Variants in ST6GALNAC5 observed in about 807,000 individuals in gnomAD.
ST6GALNAC5 encodes the protein alpha-N-acetylgalactosaminide alpha-2,6-sialyltransferase 5.
A neutral mutation model predicts 33.6 loss-of-function variants in ST6GALNAC5; 27 were observed. The observed-to-expected ratio is 0.80, with a 90% confidence interval of 0.59 to 1.11. The LOEUF is 1.11. Ranked by LOEUF, ST6GALNAC5 falls within the 50% of genes least tolerant of loss-of-function variation. The probability of loss-of-function intolerance (pLI) is 0.00; values close to 1 mark genes in which losing one functional copy is unlikely to be tolerated. For synonymous variants in ST6GALNAC5, 194 were observed against 171.2 expected (o/e 1.13, Z -1.04); for missense variants, 428 against 454.0 (o/e 0.94, Z 0.52).
chr1:77,005,857 A>G (rs963218109), intron 2 of ST6GALNAC5, among the ~76,000 whole-genome samples: 2 of 152,210 alleles, frequency 1.3e-5, no homozygotes, highest in Non-Finnish European at 2.9e-5. Context: ...AGGTTCAGCA[A>G]TGTTGTAGTT....
At chr1:76,904,226 A>C (rs992805851) in intron 2 of ST6GALNAC5, among the ~76,000 whole-genome samples, 2 of 152,158 alleles carry the variant, frequency 1.3e-5, no homozygotes, top group African/African-American at 4.8e-5. Flanking sequence ...TCTACTACAC[A>C]TGTCTGCGAG....
chr1:76,995,672 A>G (rs535109536), intron 2 of ST6GALNAC5, among the ~76,000 whole-genome samples: 6 of 151,842 alleles, frequency 4.0e-5, no homozygotes, highest in Non-Finnish European at 8.8e-5. Context: ...TATTATTAAT[A>G]TGACATAATA....
intron 2 of ST6GALNAC5, among the ~76,000 whole-genome samples, chr1:77,020,802 A>G (rs1305473609): frequency 6.6e-6 from 1 of 152,140 alleles, no homozygotes; most frequent in Admixed American, 6.5e-5. Context: ...TTGCAGTTAG[A>G]TGGAGGCTGA....
intron 2 of ST6GALNAC5, among the ~76,000 whole-genome samples, chr1:76,934,990 T>G (rs1187245404): frequency 6.6e-6 from 1 of 152,108 alleles, no homozygotes; most frequent in African/African-American, 2.4e-5. Context: ...CAAATTTTAC[T>G]TGGCTTAATT....
intron 2 of ST6GALNAC5, among the ~76,000 whole-genome samples, chr1:76,899,786 A>G (rs1646798356): frequency 1.3e-5 from 2 of 152,274 alleles, no homozygotes; most frequent in African/African-American, 4.8e-5. Context: ...ACGTTGAGGG[A>G]TAGTGAGAGA....
At position 77,044,628 on chromosome 1, in the gene ST6GALNAC5, G is replaced by A. The variant is rs1250070079; in HGVS notation, c.671+15G>A. 2 of 1,526,956 alleles carry A rather than the reference G, an allele frequency of 1.3e-6. No homozygotes were observed. The highest frequency in any genetic ancestry group is 1.8e-6 in the Non-Finnish European group (2 of 1,135,114). 94.6% of individuals were successfully genotyped at this position (1,526,956 alleles called of 1,614,324 possible). On this transcript the variant is annotated intron_variant, in intron 3 of 4. Transcript: ENST00000477717. Reference sequence around the variant, plus strand: ...GGCAAAGACAGGTACAAAGGCACAGGGAAGAAGATGCAGGGGAGGGTGAGG... The same window carrying A: ...GGCAAAGACAGGTACAAAGGCACAGAGAAGAAGATGCAGGGGAGGGTGAGG...
chr1:76,978,212 C>G (rs1391613869), intron 2 of ST6GALNAC5, among the ~76,000 whole-genome samples: 1 of 152,174 alleles, frequency 6.6e-6, no homozygotes, highest in Non-Finnish European at 1.5e-5. Context: ...CTTACATATT[C>G]TGCATATTAA....
chr1:77,022,869 T>C (rs1280155254), intron 2 of ST6GALNAC5, among the ~76,000 whole-genome samples: 1 of 152,196 alleles, frequency 6.6e-6, no homozygotes, highest in Admixed American at 6.5e-5. Flanking sequence ...TATGGATATA[T>C]ATTTCTTGGC....
chr1:76,914,282 T>C (rs1646945268), intron 2 of ST6GALNAC5, among the ~76,000 whole-genome samples: 1 of 152,014 alleles, frequency 6.6e-6, no homozygotes, highest in Non-Finnish European at 1.5e-5. Context: ...AATTTACAGA[T>C]TCAATGCCAT....
At chr1:76,972,525 T>A (rs1648804068) in intron 2 of ST6GALNAC5, among the ~76,000 whole-genome samples, 1 of 152,204 alleles carries the variant, frequency 6.6e-6, no homozygotes. Context: ...ATCTTTATTT[T>A]TTCAATAATG....
At chr1:77,031,709 G>A (rs1245347807) in intron 2 of ST6GALNAC5, among the ~76,000 whole-genome samples, 1 of 152,182 alleles carries the variant, frequency 6.6e-6, no homozygotes, top group East Asian at 1.9e-4. Context: ...GAAAACCTGG[G>A]AGAGACTATC....
At chr1:77,040,511 G>A (rs1056056950) in intron 2 of ST6GALNAC5, among the ~76,000 whole-genome samples, 3 of 152,146 alleles carry the variant, frequency 2.0e-5, no homozygotes, top group Admixed American at 6.5e-5. Flanking sequence ...AGTATGGCAA[G>A]GTCAGGAAAC....
At chr1:76,907,340 CTG>C (rs1189258729) in intron 2 of ST6GALNAC5, among the ~76,000 whole-genome samples, 2 of 152,118 alleles carry the variant, frequency 1.3e-5, no homozygotes, top group African/African-American at 4.8e-5. Context: ...CCTATTATCT[CTG>C]AGAACACCCA....
intron 3 of ST6GALNAC5, among the ~76,000 whole-genome samples, chr1:77,045,020 C>T (rs1310234742): frequency 6.6e-6 from 1 of 152,108 alleles, no homozygotes; most frequent in Admixed American, 6.5e-5. Context: ...CTTGAGTGCC[C>T]ACTACTTGCT....
chr1:77,023,808 A>G (rs1225265541), intron 2 of ST6GALNAC5, among the ~76,000 whole-genome samples: 1 of 152,120 alleles, frequency 6.6e-6, no homozygotes, highest in Admixed American at 6.5e-5. Flanking sequence ...CAACTAGAAG[A>G]GTGTGAGCTA....
chr1:76,901,385 G>A (rs1234118415), intron 2 of ST6GALNAC5, among the ~76,000 whole-genome samples: 1 of 152,180 alleles, frequency 6.6e-6, no homozygotes, highest in East Asian at 1.9e-4. Flanking sequence ...TCCAGCCCAG[G>A]AAGCAGTGGG....
intron 2 of ST6GALNAC5, among the ~76,000 whole-genome samples, chr1:76,983,762 T>C (rs949674559): frequency 3.9e-5 from 6 of 152,234 alleles, no homozygotes; most frequent in African/African-American, 1.4e-4. Flanking sequence ...TAGTTGGAAG[T>C]AAAGCACTCC....
chr1:76,995,056 C>A (rs1345321395), intron 2 of ST6GALNAC5, among the ~76,000 whole-genome samples: 1 of 152,116 alleles, frequency 6.6e-6, no homozygotes, highest in African/African-American at 2.4e-5. Context: ...TTGGATTGAG[C>A]AGCAGATTAA....
intron 2 of ST6GALNAC5, among the ~76,000 whole-genome samples, chr1:76,984,086 A>C (rs1475822833): frequency 6.6e-6 from 1 of 152,234 alleles, no homozygotes; most frequent in Non-Finnish European, 1.5e-5. Flanking sequence ...ACACCCTAAC[A>C]TCAAAATTAG....
Sources: gnomAD v4.1 joint callset for allele counts (sites outside exome capture counted in the v4.1 genomes callset) on GRCh38, gnomAD v4.1.1 for gene constraint, MANE v1.5 for transcripts, NCBI Gene and HGNC (gene_info 2026-07-23, HGNC 2026-07-21) for gene names.